Variants in MRPL1 observed in about 807,000 individuals in gnomAD.
The protein encoded by MRPL1 is large ribosomal subunit protein uL1m.
A neutral mutation model predicts 38.0 loss-of-function variants in MRPL1; 28 were observed. That is an observed-to-expected ratio of 0.74 (90% CI 0.55 to 1.01). The LOEUF (loss-of-function observed/expected upper bound fraction) is 1.01, where lower values mean the gene tolerates loss of function less well. Among genes scored for constraint, MRPL1 ranks in the 50% least tolerant of loss-of-function variants. The probability of loss-of-function intolerance (pLI) is 0.00; values close to 1 mark genes in which losing one functional copy is unlikely to be tolerated. For missense variants in MRPL1, 358 were observed against 389.8 expected, an observed-to-expected ratio of 0.92 and a Z score of 0.69; for synonymous variants, 123 against 126.7, an observed-to-expected ratio of 0.97 and a Z score of 0.20.
chr4:77,920,384 G>A (rs1295108206), intron 7 of MRPL1, among the ~76,000 whole-genome samples: 1 of 152,018 alleles, frequency 6.6e-6, no homozygotes, highest in Non-Finnish European at 1.5e-5. Flanking sequence ...TAGAACATTG[G>A]AGACTCCTTG....
chr4:77,910,225 A>C (rs1736254597), intron 7 of MRPL1, among the ~76,000 whole-genome samples: 1 of 152,230 alleles, frequency 6.6e-6, no homozygotes, highest in African/African-American at 2.4e-5. Flanking sequence ...TATGAGGCAG[A>C]ATAAGCATTT....
intron 2 of MRPL1, among the ~76,000 whole-genome samples, chr4:77,872,796 G>A (rs900527382): frequency 6.6e-6 from 1 of 152,200 alleles, no homozygotes; most frequent in South Asian, 2.1e-4. Flanking sequence ...CTGGGCAGCA[G>A]AGGTTGCAGC....
intron 7 of MRPL1, among the ~76,000 whole-genome samples, chr4:77,916,180 TTAAA>T (rs1390171162): frequency 6.6e-6 from 1 of 152,204 alleles, no homozygotes; most frequent in Non-Finnish European, 1.5e-5. Flanking sequence ...CAGATAGTAA[TTAAA>T]TAATTTTAAA....
In MRPL1 at chr4:77,870,527, G is replaced by C. The variant is rs185266553; in HGVS notation, c.32-1217G>C. Among the ~76,000 whole-genome samples, 394 of 152,286 alleles carry C rather than the reference G, an allele frequency of 2.6e-3. 3 individuals carry two copies. Among genetic ancestry groups the C allele is most frequent in the Middle Eastern group, 3.4e-3 (1 of 294 alleles). ...ACATAAAATCTCATCTGCATCTCAT[G>C]TATATGTGTGTGTATGTTTGTGAAA... On this transcript the variant is annotated intron_variant, in intron 1 of 8. Transcript: ENST00000315567.
At chr4:77,898,312 G>A (rs1269919617) in intron 6 of MRPL1, among the ~76,000 whole-genome samples, 1 of 151,964 alleles carries the variant, frequency 6.6e-6, no homozygotes, top group Non-Finnish European at 1.5e-5. Flanking sequence ...TTAGAGCAAA[G>A]ATGGTTTTGT....
intron 7 of MRPL1, among the ~76,000 whole-genome samples, chr4:77,924,419 T>A (rs1168998894): frequency 6.6e-6 from 1 of 152,164 alleles, no homozygotes; most frequent in Non-Finnish European, 1.5e-5. Context: ...AATTCTTTGA[T>A]AATTACTGTT....
chr4:77,872,727 G>A (rs1395288505), intron 2 of MRPL1, among the ~76,000 whole-genome samples: 2 of 152,214 alleles, frequency 1.3e-5, no homozygotes, highest in Non-Finnish European at 2.9e-5. Flanking sequence ...GCCGGGTGTG[G>A]GGGCAGGCAC....
chr4:77,893,422 A>T (rs1266066948), intron 5 of MRPL1, among the ~76,000 whole-genome samples: 1 of 152,122 alleles, frequency 6.6e-6, no homozygotes, highest in Non-Finnish European at 1.5e-5. Flanking sequence ...AGTATATTGT[A>T]TGTTTTAAGT....
intron 1 of MRPL1, among the ~76,000 whole-genome samples, chr4:77,868,432 G>A (rs930435457): frequency 1.1e-4 from 17 of 151,930 alleles, no homozygotes; most frequent in African/African-American, 3.6e-4. Context: ...TAGTAGAGAC[G>A]GGGTTTTACC....
intron 7 of MRPL1, among the ~76,000 whole-genome samples, chr4:77,914,419 C>T (rs1736369240): frequency 6.6e-6 from 1 of 152,036 alleles, no homozygotes; most frequent in Admixed American, 6.6e-5. Context: ...TACTAAGAAA[C>T]ATTGAATTTT....
At chr4:77,893,986 A>G (rs1329110877) in intron 5 of MRPL1, among the ~76,000 whole-genome samples, 153 bp from the exon 6 acceptor site, 1 of 152,034 alleles carries the variant, frequency 6.6e-6, no homozygotes, top group Admixed American at 6.6e-5. Flanking sequence ...TTTATAATTG[A>G]CAGGTGTATT....
At chr4:77,891,242 T>G (rs1735797232) in intron 5 of MRPL1, among the ~76,000 whole-genome samples, 1 of 151,792 alleles carries the variant, frequency 6.6e-6, no homozygotes, top group Non-Finnish European at 1.5e-5. Context: ...GTCTCTAGAA[T>G]CAGAGAACTA....
At chr4:77,875,297 G>A (rs956325361) in intron 2 of MRPL1, among the ~76,000 whole-genome samples, 17 of 152,172 alleles carry the variant, frequency 1.1e-4, no homozygotes, top group Admixed American at 1.1e-3. Flanking sequence ...TGCGATCACA[G>A]ATGAAATGTC....
At chr4:77,875,089 G>A (rs569132070) in intron 2 of MRPL1, among the ~76,000 whole-genome samples, 18 of 151,896 alleles carry the variant, frequency 1.2e-4, no homozygotes, top group African/African-American at 3.6e-4. Context: ...TGCCTGGCCC[G>A]TTTATGTTTT....
Position 77,883,288 on chromosome 4 carries a change from GAGAAAAAAGATGAAAT to G in MRPL1, c.199_214del (p.Asp67Ter). On this transcript the variant is annotated frameshift_variant, in exon 3 of 9. Transcript: ENST00000315567. LOFTEE classifies it high-confidence loss of function. ...AGGTGCTAAAGAAAAAACACCAGAT[GAGAAAAAAGATGAAAT>G]AGAAAAAATAAAAGCATATCCCTAT... is the stretch of plus-strand genomic sequence containing the variant. The G allele has an allele frequency of 1.3e-6, 2 of 1,597,434 alleles. No homozygotes were observed. Among genetic ancestry groups the G allele is most frequent in the Non-Finnish European group, 1.7e-6 (2 of 1,175,214 alleles).
chr4:77,944,853 G>A (rs10019920), intron 7 of MRPL1, among the ~76,000 whole-genome samples: 71,946 of 151,816 alleles, frequency 0.47, 17,972 homozygotes, highest in Admixed American at 0.56. Flanking sequence ...TCACGAACTT[G>A]TAATAGCTGT....
In MRPL1 at chr4:77,887,991, T is replaced by C. The variant is rs371647180; in HGVS notation, c.558+700T>C. Among the ~76,000 whole-genome samples, 31 of 152,312 alleles carry C rather than the reference T, an allele frequency of 2.0e-4. 1 individual carries two copies. The highest frequency in any genetic ancestry group is 6.7e-4 in the African/African-American group (28 of 41,578). On this transcript the variant is annotated intron_variant, in intron 5 of 8. Coordinates refer to ENST00000315567, the MANE Select transcript of MRPL1 (RefSeq NM_020236.4). ...AATCCACAAGGTCGCATGGATTTCATTGATACCCATGGACACCTCTATTCA... is the reference window on the plus strand; with the variant it reads ...AATCCACAAGGTCGCATGGATTTCACTGATACCCATGGACACCTCTATTCA...
At chr4:77,926,718 C>T (rs1214922650) in intron 7 of MRPL1, among the ~76,000 whole-genome samples, 1 of 150,884 alleles carries the variant, frequency 6.6e-6, no homozygotes, top group Non-Finnish European at 1.5e-5. Context: ...AGGTGATTCT[C>T]TTGCCTCAGT....
chr4:77,882,902 C>T (rs543839956), intron 2 of MRPL1, among the ~76,000 whole-genome samples: 1 of 152,328 alleles, frequency 6.6e-6, no homozygotes, highest in East Asian at 1.9e-4. Context: ...TTTCCCTAGC[C>T]TCCTAGGCTG....
Sources: allele counts gnomAD v4.1 joint callset (sites outside exome capture counted in the v4.1 genomes callset), GRCh38; gene constraint gnomAD v4.1.1; transcripts MANE v1.5; gene names NCBI Gene and HGNC (gene_info 2026-07-23, HGNC 2026-07-21).